Variants in DENND2B observed in about 807,000 individuals in gnomAD.
The protein encoded by DENND2B is DENN domain containing 2B.
In DENND2B, 32 loss-of-function variants were observed where a neutral mutation model predicts 116.0. The ratio of observed to expected loss-of-function variants is 0.28; its 90% confidence interval spans 0.21 to 0.37. The LOEUF (loss-of-function observed/expected upper bound fraction) is 0.37. Among genes scored for constraint, DENND2B ranks in the 10% least tolerant of loss-of-function variants. DENND2B has a pLI of 1.00. For missense variants in DENND2B, 1,276 were observed against 1,477.7 expected, an observed-to-expected ratio of 0.86 and a Z score of 2.24; for synonymous variants, 588 against 583.9, an observed-to-expected ratio of 1.01 and a Z score of -0.10.
intron 1 of DENND2B, among the ~76,000 whole-genome samples, chr11:8,786,591 C>T (rs1270159863): frequency 6.6e-6 from 1 of 152,098 alleles, no homozygotes; most frequent in Non-Finnish European, 1.5e-5. Flanking sequence ...CGGGAGGTCT[C>T]TTGAAACCAG....
chr11:8,870,618 T>G (rs1423495519), intron 2 of DENND2B, among the ~76,000 whole-genome samples: 8 of 146,558 alleles, frequency 5.5e-5, no homozygotes. Context: ...GGCAAGGCGG[T>G]GCGCAGAGCC....
chr11:8,806,908 C>CTTTTTTTTTTTTT (rs71059181), intron 1 of DENND2B, among the ~76,000 whole-genome samples: 1 of 146,498 alleles, frequency 6.8e-6, no homozygotes. Flanking sequence ...GCCAGATGGT[C>CTTTTTTTTTTTTT]TTTTTTTTTT....
At position 8,704,024 on chromosome 11, in the gene DENND2B, G is replaced by A. The variant is rs111349643; in HGVS notation, c.2572-1304C>T. Reference sequence around the variant, plus strand: ...AACAGGCTCTGCTCTCTAGCACCCAGCTCCAGTCCCTACTGTCCCTGGGGC... The same window carrying A: ...AACAGGCTCTGCTCTCTAGCACCCAACTCCAGTCCCTACTGTCCCTGGGGC... On this transcript the variant is annotated intron_variant, in intron 13 of 19. Transcript: ENST00000313726. Among the ~76,000 whole-genome samples, 704 of 152,268 alleles carry A rather than the reference G, an allele frequency of 4.6e-3. 8 individuals are homozygous for A. Among genetic ancestry groups the A allele is most frequent in the African/African-American group, 0.016 (674 of 41,560 alleles).
At chr11:8,721,572 C>T (rs1182474165) in intron 4 of DENND2B, among the ~76,000 whole-genome samples, 5 of 152,180 alleles carry the variant, frequency 3.3e-5, no homozygotes, top group African/African-American at 9.6e-5. Flanking sequence ...TCACACAGGA[C>T]AGAAAGGGCC....
intron 6 of DENND2B, 115 bp from the exon 7 acceptor site, chr11:8,714,821 C>T (rs1303103998): frequency 1.2e-5 from 10 of 859,562 alleles, no homozygotes; most frequent in Non-Finnish European, 1.8e-5. Flanking sequence ...CTGCATTGCA[C>T]CCGCTGGGTC....
chr11:8,708,172 G>A (rs2042948534), intron 11 of DENND2B: 4 of 1,288,114 alleles, frequency 3.1e-6, no homozygotes, highest in Admixed American at 3.3e-5. Context: ...GAGGCTACAG[G>A]GTGTCTGTGG....
chr11:8,702,787 G>C lies in DENND2B; in HGVS notation c.2572-67C>G. ...TGGGTGCTGCCCTCTGGCCCTCCAC[G>C]AAGCAACTGGAGCTGCTTTCCCCTT... is the stretch of plus-strand genomic sequence containing the variant. On this transcript the variant is annotated intron_variant, in intron 13 of 19. Coordinates refer to ENST00000313726, the MANE Select transcript of DENND2B (RefSeq NM_213618.2). This position sits in a 1 kb window ranked among gnomAD's most constrained non-coding sequence, Gnocchi z 4.6. The C allele has an allele frequency of 6.6e-7, 1 of 1,512,746 alleles. No individual in the cohort carries two copies. The highest frequency in any genetic ancestry group is 8.8e-7 in the Non-Finnish European group (1 of 1,131,382). 93.7% of individuals were successfully genotyped at this position (1,512,746 alleles called of 1,614,324 possible). A position where few individuals can be genotyped will look rare whatever the true frequency, so the allele number is the denominator to read the frequency against.
chr11:8,807,641 G>A (rs1047702454), intron 1 of DENND2B, among the ~76,000 whole-genome samples: 3 of 152,186 alleles, frequency 2.0e-5, no homozygotes, highest in Non-Finnish European at 4.4e-5. Context: ...GAGGGAGTGA[G>A]AACAGGAATG....
At chr11:8,792,218 CA>C (rs1437253251) in intron 1 of DENND2B, among the ~76,000 whole-genome samples, 3 of 152,014 alleles carry the variant, frequency 2.0e-5, no homozygotes, top group African/African-American at 4.8e-5. Flanking sequence ...CACACACACA[CA>C]AATAAAGAAA....
At chr11:8,871,277 G>A (rs1594321188) in intron 1 of DENND2B, 1 of 151,796 alleles carries the variant, frequency 6.6e-6, no homozygotes, top group African/African-American at 2.4e-5. Flanking sequence ...GGTGAGGGAG[G>A]CGGGGGCCGG....
chr11:8,760,124 C>T (rs911841529), intron 1 of DENND2B, among the ~76,000 whole-genome samples: 8 of 152,156 alleles, frequency 5.3e-5, no homozygotes, highest in Non-Finnish European at 8.8e-5. Flanking sequence ...CCTAACCTCC[C>T]GACAGATCGA....
chr11:8,820,811 A>G (rs1383706657), intron 4 of DENND2B, among the ~76,000 whole-genome samples: 1 of 152,136 alleles, frequency 6.6e-6, no homozygotes, highest in African/African-American at 2.4e-5. Flanking sequence ...TAGATGGACT[A>G]TTGTGCAGCC....
chr11:8,814,275 T>A (rs1462948315), upstream of DENND2B, among the ~76,000 whole-genome samples: 1 of 149,192 alleles, frequency 6.7e-6, no homozygotes, highest in African/African-American at 2.5e-5. Context: ...ACCTTTTTTT[T>A]TTTTTTTTTT....
chr11:8,693,969 G>A lies in DENND2B; in HGVS notation c.*127C>T. 1 of 906,660 alleles carries A rather than the reference G, an allele frequency of 1.1e-6. No homozygotes were observed. The highest frequency in any genetic ancestry group is 1.7e-6 in the Non-Finnish European group (1 of 581,606). 56.2% of individuals were successfully genotyped at this position (906,660 alleles called of 1,614,324 possible). On this transcript the variant is annotated 3_prime_UTR_variant, in exon 20 of 20. Coordinates refer to ENST00000313726, the MANE Select transcript of DENND2B (RefSeq NM_213618.2). ...CCTGGGATATGATGAAGGCAGAGGT[G>A]GGCTGGCTTGGAGGATAGGATCTGT...
intron 19 of DENND2B, chr11:8,694,727 T>C (rs1464639663): frequency 2.4e-6 from 1 of 415,128 alleles, no homozygotes; most frequent in Non-Finnish European, 4.7e-6. Context: ...TATATAGACT[T>C]TTTTTTTCTC....
At chr11:8,742,303 G>C (rs2050361350) in intron 2 of DENND2B, among the ~76,000 whole-genome samples, 1 of 152,196 alleles carries the variant, frequency 6.6e-6, no homozygotes, top group Non-Finnish European at 1.5e-5. Context: ...GGGAGCATAA[G>C]AACATGTTGT....
At chr11:8,841,989 G>A (rs1179433238) in intron 3 of DENND2B, among the ~76,000 whole-genome samples, 6 of 152,280 alleles carry the variant, frequency 3.9e-5, no homozygotes, top group South Asian at 2.1e-4. Context: ...TCAGCACAAG[G>A]CGGCATCACA....
At chr11:8,889,255 T>G (rs1420192436) in intron 1 of DENND2B, among the ~76,000 whole-genome samples, 1 of 152,198 alleles carries the variant, frequency 6.6e-6, no homozygotes. Context: ...TTAAAAAGGA[T>G]GGACAGGTGG....
In DENND2B at chr11:8,707,846, C is replaced by G. The variant is rs2042883656; in HGVS notation, c.2361G>C (p.Gly787=). 1.2e-6 allele frequency: 2 copies of G among 1,609,474 alleles called. No homozygotes were observed. Among genetic ancestry groups the G allele is most frequent in the East Asian group, 2.2e-5 (1 of 44,768 alleles). The change falls in exon 12 of 20, where the codon GGG becomes GGC. Residue 787 remains glycine, a synonymous_variant. Transcript: ENST00000313726. This position sits in a 1 kb window ranked among gnomAD's most constrained non-coding sequence, Gnocchi z 4.8. ...FGYCRRLLPS[G]KGPRLPEVYC... ...ACACCTCTGGCAACCGGGGCCCTTTCCCACTTGGCTGGGCCAGGACAAGGA... is the reference window on the plus strand; with the variant it reads ...ACACCTCTGGCAACCGGGGCCCTTTGCCACTTGGCTGGGCCAGGACAAGGA...
Sources: allele counts gnomAD v4.1 joint callset (sites outside exome capture counted in the v4.1 genomes callset), GRCh38; gene constraint gnomAD v4.1.1; non-coding constraint Gnocchi (gnomAD v3.1); transcripts MANE v1.5; gene names NCBI Gene and HGNC (gene_info 2026-07-23, HGNC 2026-07-21).